Variants in MAGI2 observed in about 807,000 individuals in gnomAD.
MAGI2 encodes the protein membrane associated guanylate kinase, WW and PDZ domain containing 2, also known as membrane-associated guanylate kinase, WW and PDZ domain-containing protein 2.
A neutral mutation model predicts 133.3 loss-of-function variants in MAGI2; 35 were observed. The observed-to-expected ratio is 0.26, with a 90% CI of 0.20 to 0.35. The LOEUF (loss-of-function observed/expected upper bound fraction) is 0.35, where lower values mean the gene tolerates loss of function less well. Among genes scored for constraint, MAGI2 ranks in the 10% least tolerant of loss-of-function variants. MAGI2 has a pLI of 1.00. For missense variants in MAGI2, 1,636 were observed against 1,863.4 expected, an observed-to-expected ratio of 0.88 and a Z score of 2.25; for synonymous variants, 729 against 710.6, an observed-to-expected ratio of 1.03 and a Z score of -0.41.
At chr7:79,002,693 A>G (rs1348588268) in intron 2 of MAGI2, among the ~76,000 whole-genome samples, 1 of 151,952 alleles carries the variant, frequency 6.6e-6, no homozygotes, top group African/African-American at 2.4e-5. Context: ...GAAAAAAAAA[A>G]TCTCCAAACA....
intron 1 of MAGI2, among the ~76,000 whole-genome samples, chr7:79,042,936 A>G (rs1811807052): frequency 6.6e-6 from 1 of 152,150 alleles, no homozygotes; most frequent in Non-Finnish European, 1.5e-5. Flanking sequence ...AAGACCCCTC[A>G]AAACTATACA....
intron 1 of MAGI2, among the ~76,000 whole-genome samples, chr7:79,047,449 A>C (rs947598759): frequency 6.6e-6 from 1 of 152,114 alleles, no homozygotes; most frequent in African/African-American, 2.4e-5. Flanking sequence ...TTCTTTATTG[A>C]CCTACTATTA....
At chr7:78,091,553 C>A (rs1270916055) in intron 20 of MAGI2, among the ~76,000 whole-genome samples, 1 of 152,190 alleles carries the variant, frequency 6.6e-6, no homozygotes. Flanking sequence ...TCTTATTAAT[C>A]TTTTTATCTC....
intron 1 of MAGI2, among the ~76,000 whole-genome samples, chr7:79,268,324 C>A (rs963839194): frequency 2.6e-5 from 4 of 152,160 alleles, no homozygotes; most frequent in Non-Finnish European, 5.9e-5. Flanking sequence ...CAGATTTATA[C>A]AGTGACCATC....
At chr7:78,573,435 A>G (rs1228534570) in intron 3 of MAGI2, among the ~76,000 whole-genome samples, 1 of 106,852 alleles carries the variant, frequency 9.4e-6, no homozygotes, top group Non-Finnish European at 1.7e-5. Context: ...GCACCATTTG[A>G]TCTGCTGGGT....
intron 2 of MAGI2, among the ~76,000 whole-genome samples, chr7:78,861,161 G>A (rs1794126993): frequency 6.6e-6 from 1 of 152,154 alleles, no homozygotes. Flanking sequence ...CCTTTGCTAG[G>A]AAAGGGAATT....
intron 1 of MAGI2, among the ~76,000 whole-genome samples, chr7:79,345,682 GA>G (rs1214490851): frequency 6.6e-6 from 1 of 152,064 alleles, no homozygotes; most frequent in Non-Finnish European, 1.5e-5. Context: ...TTATGAAGAA[GA>G]AAAATTGGCA....
chr7:79,378,847 T>C (rs943770680), intron 1 of MAGI2, among the ~76,000 whole-genome samples: 11 of 148,326 alleles, frequency 7.4e-5, no homozygotes, highest in African/African-American at 2.5e-4. Flanking sequence ...ATGATCCCAG[T>C]GGGGTTTCAT....
At chr7:78,527,006 C>CAAAAAAAAAAAAAAAAAAAAAAAA (rs55707442) in intron 3 of MAGI2, among the ~76,000 whole-genome samples, 18 of 45,392 alleles carry the variant, frequency 4.0e-4, no homozygotes, top group East Asian at 8.4e-4. Context: ...GACTCCATCT[C>CAAAAAAAAAAAAAAAAAAAAAAAA]AAAAAAAAAA....
intron 3 of MAGI2, among the ~76,000 whole-genome samples, chr7:78,600,849 T>G (rs1345255503): frequency 6.6e-6 from 1 of 152,136 alleles, no homozygotes; most frequent in Admixed American, 6.6e-5. Context: ...AATAGTAGTA[T>G]AAAATTACTT....
chr7:79,309,968 T>TAAAAAAAAAAAAAAAAAAAAAAAAAAAA (rs111847690), intron 1 of MAGI2, among the ~76,000 whole-genome samples: 4 of 101,510 alleles, frequency 3.9e-5, no homozygotes, highest in Non-Finnish European at 7.8e-5. Context: ...TTGTTTTTCC[T>TAAAAAAAAAAAAAAAAAAAAAAAAAAAA]AAAAAAAAAA....
At chr7:78,726,851 G>T (rs1462959135) in intron 2 of MAGI2, among the ~76,000 whole-genome samples, 1 of 151,600 alleles carries the variant, frequency 6.6e-6, no homozygotes, top group East Asian at 1.9e-4. Context: ...ATCTTTTTAG[G>T]CATCCTTTTA....
chr7:78,511,548 T>TATATAAA lies in MAGI2; in HGVS notation c.755-9762_755-9761insTTTATAT, dbSNP rs1554448976. On this transcript the variant is annotated intron_variant, in intron 4 of 21. Coordinates refer to ENST00000354212, the MANE Select transcript of MAGI2 (RefSeq NM_012301.4). ...TCACCATCTTTTATATATATATATA[T>TATATAAA]AAATTTTTTTTTTTTTTTTTTTGAC... 1.7e-3 allele frequency among the ~76,000 whole-genome samples: 199 copies of TATATAAA among 114,938 alleles called. 1 individual carries two copies. The highest frequency in any genetic ancestry group is 6.7e-3 in the African/African-American group (184 of 27,336). 75.4% of individuals were successfully genotyped at this position (114,938 alleles called of 152,430 possible).
At chr7:78,333,993 T>C (rs1172446763) in intron 9 of MAGI2, among the ~76,000 whole-genome samples, 2 of 152,136 alleles carry the variant, frequency 1.3e-5, no homozygotes, top group African/African-American at 4.8e-5. Flanking sequence ...TGATTCTCAG[T>C]GTGTGCTCAG....
At chr7:79,163,295 C>G (rs1330191728) in intron 1 of MAGI2, among the ~76,000 whole-genome samples, 3 of 152,090 alleles carry the variant, frequency 2.0e-5, no homozygotes, top group Non-Finnish European at 2.9e-5. Flanking sequence ...CCTGCCTCAG[C>G]CTCTCAAGTA....
intron 2 of MAGI2, among the ~76,000 whole-genome samples, chr7:78,957,933 C>G (rs1236042357): frequency 6.6e-6 from 1 of 152,166 alleles, no homozygotes; most frequent in East Asian, 1.9e-4. Context: ...ACACTACATG[C>G]AAAAATTAGT....
chr7:79,130,912 CA>C (rs1820881045), intron 1 of MAGI2, among the ~76,000 whole-genome samples: 2 of 151,952 alleles, frequency 1.3e-5, no homozygotes, highest in Non-Finnish European at 2.9e-5. Flanking sequence ...TTCATTCATT[CA>C]TTCATTCATT....
intron 1 of MAGI2, among the ~76,000 whole-genome samples, chr7:79,092,500 T>C (rs1400302655): frequency 1.3e-5 from 2 of 152,158 alleles, no homozygotes; most frequent in East Asian, 3.9e-4. Context: ...GATAAATCAA[T>C]AGCAATATCA....
chr7:78,905,181 T>C (rs545905736), intron 2 of MAGI2, among the ~76,000 whole-genome samples: 1 of 152,304 alleles, frequency 6.6e-6, no homozygotes, highest in East Asian at 1.9e-4. Context: ...TATTCCATGG[T>C]AACTACTTCT....
Sources: gnomAD v4.1 joint callset for allele counts (sites outside exome capture counted in the v4.1 genomes callset) on GRCh38, gnomAD v4.1.1 for gene constraint, MANE v1.5 for transcripts, NCBI Gene and HGNC (gene_info 2026-07-23, HGNC 2026-07-21) for gene names.